ATE1: variants seen among roughly 807,000 people sequenced by gnomAD.
ATE1 encodes arginyltransferase 1.
In ATE1, 36 loss-of-function variants were observed where a neutral mutation model predicts 70.5. That is an observed-to-expected ratio of 0.51 (90% confidence interval 0.39 to 0.67). The LOEUF (loss-of-function observed/expected upper bound fraction) is 0.67, where lower values mean the gene tolerates loss of function less well. Among genes scored for constraint, ATE1 ranks in the 30% least tolerant of loss-of-function variants. The pLI, the probability that ATE1 is intolerant of heterozygous loss-of-function variation, is 0.00. For synonymous variants in ATE1, 232 were observed against 219.3 expected (o/e 1.06, Z -0.51); for missense variants, 593 against 629.5 (o/e 0.94, Z 0.62).
intron 5 of ATE1, among the ~76,000 whole-genome samples, chr10:121,904,701 G>T (rs1476939751): frequency 1.3e-5 from 1 of 75,350 alleles, no homozygotes; most frequent in African/African-American, 6.7e-5. Flanking sequence ...ATCAAAGTCA[G>T]CAAAAAAAAA....
intron 11 of ATE1, among the ~76,000 whole-genome samples, chr10:121,762,095 T>C (rs184255086): frequency 6.7e-4 from 102 of 152,322 alleles, no homozygotes; most frequent in Admixed American, 3.8e-3. Context: ...AATGGATACG[T>C]TTCTGTCTTC....
chr10:121,813,871 A>C (rs761563554), intron 10 of ATE1, among the ~76,000 whole-genome samples: 4 of 152,212 alleles, frequency 2.6e-5, no homozygotes, highest in Admixed American at 6.5e-5. Flanking sequence ...AAACCAGAAG[A>C]AAGTAACCCA....
At chr10:121,788,241 T>C (rs1564838287) in intron 11 of ATE1, among the ~76,000 whole-genome samples, 6 of 152,202 alleles carry the variant, frequency 3.9e-5, no homozygotes, top group African/African-American at 1.2e-4. Flanking sequence ...TTAATGTTTG[T>C]TTTTAAGCAA....
chr10:121,923,151 C>T (rs1951948038), intron 2 of ATE1, among the ~76,000 whole-genome samples: 1 of 152,190 alleles, frequency 6.6e-6, no homozygotes, highest in Non-Finnish European at 1.5e-5. Context: ...TTCTCTCTTA[C>T]CATAAAATCC....
intron 9 of ATE1, among the ~76,000 whole-genome samples, chr10:121,838,819 G>T (rs1360505110): frequency 1.3e-5 from 2 of 151,602 alleles, no homozygotes; most frequent in Non-Finnish European, 2.9e-5. Context: ...ATATCTACAG[G>T]CTATGGATAA....
chr10:121,928,104 G>C (rs1952181722), upstream of ATE1: 4 of 1,223,736 alleles, frequency 3.3e-6, no homozygotes, highest in African/African-American at 6.3e-5. Context: ...GCGCCTCTTG[G>C]AGCTGACGCC....
chr10:121,798,658 G>A (rs1325776214), intron 10 of ATE1, among the ~76,000 whole-genome samples: 1 of 152,174 alleles, frequency 6.6e-6, no homozygotes, highest in African/African-American at 2.4e-5. Context: ...CCAGCACTTT[G>A]GGAGGCAGAA....
chr10:121,894,016 A>T (rs1950674835), intron 7 of ATE1, among the ~76,000 whole-genome samples: 1 of 152,092 alleles, frequency 6.6e-6, no homozygotes, highest in African/African-American at 2.4e-5. Context: ...ACACGCCTGT[A>T]ATCCCAGCTA....
At chr10:121,873,295 A>G (rs907039828) in intron 7 of ATE1, among the ~76,000 whole-genome samples, 2 of 152,124 alleles carry the variant, frequency 1.3e-5, no homozygotes, top group African/African-American at 2.4e-5. Flanking sequence ...TCCAGGCATA[A>G]AAGGCATCAG....
At chr10:121,813,742 T>A (rs956378238) in intron 10 of ATE1, among the ~76,000 whole-genome samples, 1 of 152,272 alleles carries the variant, frequency 6.6e-6, no homozygotes, top group African/African-American at 2.4e-5. Context: ...TTATGTCCCC[T>A]CAGCAGCAGG....
chr10:121,900,065 A>G, intron 6 of ATE1, 71 bp from the exon 7 acceptor site: 1 of 1,496,448 alleles, frequency 6.7e-7, no homozygotes, highest in Non-Finnish European at 9.1e-7. Flanking sequence ...ATGCATTAAG[A>G]GTAACTCCCA....
intron 11 of ATE1, among the ~76,000 whole-genome samples, chr10:121,774,329 A>C (rs888777666): frequency 1.3e-5 from 2 of 152,198 alleles, no homozygotes; most frequent in African/African-American, 2.4e-5. Context: ...TTAGTATATC[A>C]TGGTATCTAA....
At chr10:121,756,914 T>G (rs2420962) in intron 11 of ATE1, among the ~76,000 whole-genome samples, 1 of 152,060 alleles carries the variant, frequency 6.6e-6, no homozygotes, top group East Asian at 1.9e-4. Context: ...TTCCACTCCT[T>G]GTTACTTACG....
chr10:121,810,334 A>C (rs1947269514), intron 10 of ATE1, among the ~76,000 whole-genome samples: 1 of 151,960 alleles, frequency 6.6e-6, no homozygotes, highest in Non-Finnish European at 1.5e-5. Flanking sequence ...GCAGTGGCAC[A>C]ATCTTGGCTC....
chr10:121,769,957 T>C (rs1372310572), intron 11 of ATE1, among the ~76,000 whole-genome samples: 27 of 152,342 alleles, frequency 1.8e-4, no homozygotes, highest in Non-Finnish European at 4.0e-4. Context: ...GGCAGTTTCT[T>C]AAAATATTAA....
chr10:121,839,704 C>A (rs1948558116), intron 9 of ATE1, among the ~76,000 whole-genome samples: 1 of 151,976 alleles, frequency 6.6e-6, no homozygotes. Flanking sequence ...GTAAATATTA[C>A]CTAATTGTGG....
chr10:121,845,748 C>T (rs1948793567), intron 8 of ATE1, among the ~76,000 whole-genome samples: 1 of 151,948 alleles, frequency 6.6e-6, no homozygotes, highest in Non-Finnish European at 1.5e-5. Flanking sequence ...TGGGAATTTA[C>T]AGATAAGCAA....
At position 121,884,263 on chromosome 10, in the gene ATE1, G is replaced by T. The variant is rs538135205; in HGVS notation, c.943-14225C>A. Among the ~76,000 whole-genome samples the T allele has an allele frequency of 1.4e-3, 211 of 152,076 alleles. 1 individual carries two copies. Among genetic ancestry groups the T allele is most frequent in the African/African-American group, 4.9e-3 (204 of 41,428 alleles). On this transcript the variant is annotated intron_variant, in intron 7 of 11. Coordinates refer to ENST00000224652, the MANE Select transcript of ATE1 (RefSeq NM_001001976.3). ...CTTTCACCTCCAATGTTGTATGATG[G>T]TATGATTTTGTGATCTGAGACAAGT...
At chr10:121,888,342 C>T (rs1402260577) in intron 7 of ATE1, among the ~76,000 whole-genome samples, 2 of 151,578 alleles carry the variant, frequency 1.3e-5, no homozygotes, top group East Asian at 1.9e-4. Context: ...TGCAGTGAGC[C>T]GAAATCACGC....
Sources: gnomAD v4.1 joint callset for allele counts (sites outside exome capture counted in the v4.1 genomes callset) on GRCh38, gnomAD v4.1.1 for gene constraint, MANE v1.5 for transcripts, NCBI Gene and HGNC (gene_info 2026-07-23, HGNC 2026-07-21) for gene names.